TRIM49C: variants seen among roughly 807,000 people sequenced by gnomAD.
TRIM49C encodes tripartite motif-containing protein 49C.
In TRIM49C, 6 loss-of-function variants were observed where a neutral mutation model predicts 21.4. The observed-to-expected ratio is 0.28, with a 90% CI of 0.15 to 0.55. The LOEUF (loss-of-function observed/expected upper bound fraction) is 0.55. TRIM49C is among the 20% of genes least tolerant of loss of function. The pLI is 0.94. For missense variants in TRIM49C, 161 were observed against 442.4 expected, an observed-to-expected ratio of 0.36 and a Z score of 5.71; for synonymous variants, 57 against 148.1, an observed-to-expected ratio of 0.38 and a Z score of 4.47.
intron 3 of TRIM49C, 93 bp from the exon 4 acceptor site, chr11:90,035,795 T>C: frequency 1.9e-6 from 1 of 529,310 alleles, no homozygotes; most frequent in Non-Finnish European, 3.1e-6. Flanking sequence ...ACAAAGGAAA[T>C]GCCATTTACT....
Position 90,041,011 on chromosome 11 carries a change from C to T in TRIM49C, c.860-40C>T, listed in dbSNP as rs1424459649. The T allele has an allele frequency of 2.0e-6, 3 of 1,466,180 alleles. No homozygotes were observed. The South Asian group carries it at 4.3e-5, about 21-fold the overall frequency. The allele number at this position is 1,466,180 out of a possible 1,614,324, so 90.8% of individuals were successfully genotyped here. A position where few individuals can be genotyped will look rare whatever the true frequency, so the allele number is the denominator to read the frequency against. On this transcript the variant is annotated intron_variant, in intron 7 of 7. Coordinates refer to ENST00000448984, the MANE Select transcript of TRIM49C (RefSeq NM_001195234.1). ...AACAATTATTTTTTTCTTATTTACA[C>T]ATGTCTATGCATGTTTTCTTTTTTT...
Position 90,035,303 on chromosome 11 carries a change from G to A in TRIM49C, c.92G>A (p.Gly31Glu). 1.3e-6 allele frequency: 2 copies of A among 1,553,640 alleles called. No homozygotes were observed. The highest frequency in any genetic ancestry group is 1.7e-6 in the Non-Finnish European group (2 of 1,148,052). ...ATAGACCCGGTCACCATAGACTGTGGGCACAGCTTTTGCAGGCCTTGTTTC... is the reference window on the plus strand; with the variant it reads ...ATAGACCCGGTCACCATAGACTGTGAGCACAGCTTTTGCAGGCCTTGTTTC... ...YFIDPVTIDC[G>E]HSFCRPCFYL... Residue 31 changes from glycine (G) to glutamate (E), a missense_variant, in exon 3 of 8, where the codon GGG becomes GAG. Physicochemically the swap from Gly to Glu is moderately conservative, Grantham distance 98. Around this residue, in one of 3 missense-constraint regions of TRIM49C, gnomAD observed 80 missense variants for 314.8 expected, o/e 0.25. Transcript: ENST00000448984.
At chr11:90,071,984 C>A in the TRIM49C span, among the ~76,000 whole-genome samples, 2 of 141,448 alleles carry the variant, frequency 1.4e-5, 1 homozygote, top group African/African-American at 5.1e-5. Context: ...AGCCATATAA[C>A]AAATTTCTTG....
At chr11:90,043,781 A>ATT (rs1232320849), downstream of TRIM49C, among the ~76,000 whole-genome samples, 4 of 114,466 alleles carry the variant, frequency 3.5e-5, no homozygotes, top group Admixed American at 9.8e-5. Context: ...GGAAAGTTTG[A>ATT]TTTTTTTTTA....
chr11:90,043,781 AT>A (rs1232320849), downstream of TRIM49C, among the ~76,000 whole-genome samples: 4 of 114,470 alleles, frequency 3.5e-5, 2 homozygotes, highest in Non-Finnish European at 7.1e-5. Flanking sequence ...GGAAAGTTTG[AT>A]TTTTTTTTAT....
the TRIM49C span, chr11:90,073,269 T>C: frequency 2.8e-6 from 3 of 1,081,350 alleles, 1 homozygote; most frequent in South Asian, 2.6e-5. Context: ...GGTGTGTTTC[T>C]TAATTTTGAA....
the TRIM49C span, among the ~76,000 whole-genome samples, chr11:90,057,025 T>C: frequency 1.8e-4 from 27 of 147,492 alleles, no homozygotes; most frequent in Admixed American, 1.2e-3. Context: ...TTCATTTTTC[T>C]ACCCCAGCCT....
At chr11:90,033,781 T>TA (rs1466327942) in intron 2 of TRIM49C, among the ~76,000 whole-genome samples, 1 of 128,010 alleles carries the variant, frequency 7.8e-6, no homozygotes, top group Non-Finnish European at 1.7e-5. Context: ...CCATCTCTAC[T>TA]AAAAAAATAC....
At chr11:90,052,605 G>A in the TRIM49C span, 4 of 143,076 alleles carry the variant, frequency 2.8e-5, no homozygotes, top group African/African-American at 1.0e-4. Flanking sequence ...TCCCGGCAGG[G>A]GCGCTCCAGG....
the TRIM49C span, chr11:90,052,653 T>A: frequency 1.4e-5 from 2 of 139,420 alleles, no homozygotes; most frequent in African/African-American, 5.1e-5. Flanking sequence ...TGGCCACTCC[T>A]CTGGCGACAT....
the TRIM49C span, among the ~76,000 whole-genome samples, chr11:90,063,324 A>G: frequency 7.9e-6 from 1 of 126,608 alleles, no homozygotes; most frequent in African/African-American, 3.2e-5. Context: ...TTATCTCTAG[A>G]TTACTTTGAA....
chr11:90,038,922 G>C (rs1238379783), intron 6 of TRIM49C, among the ~76,000 whole-genome samples: 1 of 136,856 alleles, frequency 7.3e-6, no homozygotes, highest in Admixed American at 8.4e-5. Context: ...TTTGATTCCT[G>C]GTTTTGTTTT....
chr11:90,059,904 TGTC>T, the TRIM49C span, among the ~76,000 whole-genome samples: 1 of 141,022 alleles, frequency 7.1e-6, no homozygotes, highest in African/African-American at 2.7e-5. Flanking sequence ...CTCCTCCCTC[TGTC>T]TTTTTTTTTT....
the TRIM49C span, among the ~76,000 whole-genome samples, chr11:90,072,054 C>G: frequency 2.2e-5 from 3 of 138,316 alleles, no homozygotes; most frequent in Non-Finnish European, 3.1e-5. Context: ...TATGCTTCAA[C>G]CGTGATACAA....
chr11:90,039,434 A>G (rs600159), intron 6 of TRIM49C, among the ~76,000 whole-genome samples: 9,266 of 115,396 alleles, frequency 0.08, 1,036 homozygotes, highest in African/African-American at 0.18. Context: ...TTAGAACTGT[A>G]TAAGTCTCTA....
chr11:90,042,178 A>T (rs904383566), downstream of TRIM49C, among the ~76,000 whole-genome samples: 6 of 145,634 alleles, frequency 4.1e-5, 1 homozygote, highest in Non-Finnish European at 9.1e-5. Flanking sequence ...GTAACTAAAT[A>T]TTGACTCCTA....
At chr11:90,054,532 G>A in the TRIM49C span, among the ~76,000 whole-genome samples, 1 of 136,572 alleles carries the variant, frequency 7.3e-6, no homozygotes. Flanking sequence ...TGGTTCAAGT[G>A]ATTATCCTGC....
chr11:90,062,826 A>G, the TRIM49C span: 114 of 1,397,650 alleles, frequency 8.2e-5, 25 homozygotes, highest in African/African-American at 8.0e-4. Context: ...CTTCTCTGAG[A>G]TTTTTCTGCA....
At chr11:90,045,145 C>T (rs1475348937), downstream of TRIM49C, among the ~76,000 whole-genome samples, 12 of 137,076 alleles carry the variant, frequency 8.8e-5, 4 homozygotes, top group Admixed American at 1.7e-4. Context: ...GTCTCTGTTT[C>T]GGTACCAGTC....
Sources: gnomAD v4.1 joint callset for allele counts (sites outside exome capture counted in the v4.1 genomes callset) on GRCh38, gnomAD v4.1.1 for gene constraint, gnomAD v4.1.1 regional missense constraint, MANE v1.5 for transcripts, NCBI Gene and HGNC (gene_info 2026-07-23, HGNC 2026-07-21) for gene names.